Variants in PAK2 observed in about 807,000 individuals in gnomAD.
PAK2 encodes the protein p21 (RAC1) activated kinase 2.
PAK2 carries 21 observed loss-of-function variants against 65.9 expected under a neutral mutation model. The observed-to-expected ratio is 0.32, with a 90% CI of 0.23 to 0.46. The LOEUF (loss-of-function observed/expected upper bound fraction) is 0.46, where lower values mean the gene tolerates loss of function less well. Ranked by LOEUF, PAK2 falls within the 20% of genes least tolerant of loss-of-function variation. The probability of loss-of-function intolerance (pLI) is 1.00; values close to 1 mark genes in which losing one functional copy is unlikely to be tolerated. For synonymous variants in PAK2, 204 were observed against 219.7 expected (o/e 0.93, Z 0.63); for missense variants, 324 against 642.6 (o/e 0.50, Z 5.36).
intron 13 of PAK2, among the ~76,000 whole-genome samples, chr3:196,822,979 T>A (rs1048321053): frequency 3.3e-5 from 5 of 152,144 alleles, no homozygotes; most frequent in African/African-American, 1.2e-4. Flanking sequence ...TAGTGCCTTA[T>A]GAGAGCTCTG....
intron 13 of PAK2, among the ~76,000 whole-genome samples, chr3:196,822,400 C>T (rs1711683421): frequency 6.6e-6 from 1 of 152,152 alleles, no homozygotes; most frequent in African/African-American, 2.4e-5. Flanking sequence ...TCAAAAGGTG[C>T]TTAGAGAGCT....
At chr3:196,747,580 T>G (rs1713431109) in intron 1 of PAK2, among the ~76,000 whole-genome samples, 1 of 152,194 alleles carries the variant, frequency 6.6e-6, no homozygotes, top group Non-Finnish European at 1.5e-5. Flanking sequence ...ATTGAGTGTT[T>G]CTTGTGACTT....
intron 2 of PAK2, among the ~76,000 whole-genome samples, chr3:196,787,353 G>C (rs1714923550): frequency 6.6e-6 from 1 of 151,944 alleles, no homozygotes; most frequent in Non-Finnish European, 1.5e-5. Flanking sequence ...GGCCGAGGCC[G>C]GCAGATCACG....
At chr3:196,760,958 T>C (rs1181935835) in intron 1 of PAK2, among the ~76,000 whole-genome samples, 3 of 152,108 alleles carry the variant, frequency 2.0e-5, no homozygotes, top group Non-Finnish European at 4.4e-5. Context: ...AAGTTAGGGC[T>C]GAGCACAGTG....
At chr3:196,776,928 G>A (rs1277412026) in intron 1 of PAK2, among the ~76,000 whole-genome samples, 2 of 152,132 alleles carry the variant, frequency 1.3e-5, no homozygotes, top group African/African-American at 2.4e-5. Flanking sequence ...ATGCTCCTCC[G>A]TTTTCAGGTG....
chr3:196,756,054 C>T (rs1298861635), intron 1 of PAK2, among the ~76,000 whole-genome samples: 1 of 152,256 alleles, frequency 6.6e-6, no homozygotes, highest in African/African-American at 2.4e-5. Context: ...GCACCCGGCC[C>T]CTTCCAACTT....
chr3:196,825,187 A>G (rs1711802682), intron 13 of PAK2, among the ~76,000 whole-genome samples: 1 of 151,462 alleles, frequency 6.6e-6, no homozygotes, highest in Non-Finnish European at 1.5e-5. Flanking sequence ...CTCTACTAAA[A>G]ATACAAAAAT....
At chr3:196,745,563 CA>C (rs1189868683) in intron 1 of PAK2, among the ~76,000 whole-genome samples, 9 of 152,052 alleles carry the variant, frequency 5.9e-5, no homozygotes, top group African/African-American at 1.9e-4. Context: ...CCTGTAATCC[CA>C]GCACTTTGGG....
At chr3:196,756,589 G>C (rs1435921142) in intron 1 of PAK2, among the ~76,000 whole-genome samples, 2 of 152,186 alleles carry the variant, frequency 1.3e-5, no homozygotes, top group African/African-American at 4.8e-5. Context: ...TGTAATCCCA[G>C]CACTTTGGGA....
intron 13 of PAK2, among the ~76,000 whole-genome samples, chr3:196,821,753 ATGGTACATCTGCTT>A (rs142031090): frequency 0.019 from 2,900 of 152,330 alleles, 46 homozygotes; most frequent in Middle Eastern, 0.051. Flanking sequence ...AAAATATAAA[ATGGTACATCTGCTT>A]TGGAAAACAA....
intron 2 of PAK2, among the ~76,000 whole-genome samples, chr3:196,794,877 A>C (rs1309759825): frequency 6.6e-6 from 1 of 152,154 alleles, no homozygotes; most frequent in Non-Finnish European, 1.5e-5. Flanking sequence ...GCTAGAACCC[A>C]GGCAAACCTG....
intron 1 of PAK2, among the ~76,000 whole-genome samples, chr3:196,776,947 C>T (rs182413723): frequency 2.4e-4 from 36 of 152,206 alleles, no homozygotes; most frequent in African/African-American, 7.9e-4. Context: ...TGGGTATCTG[C>T]GTAAGACAAG....
chr3:196,792,473 C>G (rs1020196725), intron 2 of PAK2, among the ~76,000 whole-genome samples: 7 of 152,132 alleles, frequency 4.6e-5, no homozygotes, highest in African/African-American at 1.7e-4. Flanking sequence ...CTGCTCCTGT[C>G]CATAACCAGC....
chr3:196,782,592 A>G, intron 1 of PAK2, 34 bp from the exon 2 acceptor site: 1 of 1,035,932 alleles, frequency 9.7e-7, no homozygotes, highest in Non-Finnish European at 1.4e-6. Flanking sequence ...GCTATTTTTT[A>G]CTTTGTTACT....
chr3:196,814,127 C>G (rs1715917524), intron 10 of PAK2, among the ~76,000 whole-genome samples: 1 of 152,138 alleles, frequency 6.6e-6, no homozygotes, highest in Non-Finnish European at 1.5e-5. Context: ...GGATGAGTCA[C>G]TTCACCTCTC....
chr3:196,787,469 C>T (rs1714928740), intron 2 of PAK2, among the ~76,000 whole-genome samples: 2 of 151,748 alleles, frequency 1.3e-5, no homozygotes, highest in Admixed American at 6.6e-5. Context: ...GTCCCAGCTA[C>T]TCTGGAGGCT....
intron 1 of PAK2, among the ~76,000 whole-genome samples, chr3:196,759,792 C>T (rs915280972): frequency 3.3e-5 from 5 of 151,766 alleles, no homozygotes; most frequent in South Asian, 2.1e-4. Flanking sequence ...CCCAAAGTGC[C>T]GGGATTACAG....
chr3:196,780,105 T>C (rs1215280399), intron 1 of PAK2, among the ~76,000 whole-genome samples: 1 of 152,230 alleles, frequency 6.6e-6, no homozygotes, highest in African/African-American at 2.4e-5. Flanking sequence ...AAATCCCGCA[T>C]GATGTCATGA....
At chr3:196,796,041 C>T (rs576115164) in intron 2 of PAK2, among the ~76,000 whole-genome samples, 2 of 152,334 alleles carry the variant, frequency 1.3e-5, no homozygotes, top group East Asian at 3.9e-4. Context: ...CACAGTAGGG[C>T]TCACGCTATG....
Sources: gnomAD v4.1 joint callset for allele counts (sites outside exome capture counted in the v4.1 genomes callset) on GRCh38, gnomAD v4.1.1 for gene constraint, MANE v1.5 for transcripts, NCBI Gene and HGNC (gene_info 2026-07-23, HGNC 2026-07-21) for gene names.